MCC: variants seen among roughly 807,000 people sequenced by gnomAD.
The protein encoded by MCC is MCC regulator of Wnt signaling pathway.
A neutral mutation model predicts 116.2 loss-of-function variants in MCC; 90 were observed. The observed-to-expected ratio is 0.77, with a 90% CI of 0.65 to 0.92. The LOEUF (loss-of-function observed/expected upper bound fraction) is 0.92. MCC is among the 40% of genes least tolerant of loss of function. MCC has a pLI of 0.00. For missense variants in MCC, 1,516 were observed against 1,312.2 expected, an observed-to-expected ratio of 1.16 and a Z score of -2.40; for synonymous variants, 578 against 510.5, an observed-to-expected ratio of 1.13 and a Z score of -1.78.
At chr5:113,339,477 G>A (rs928371623) in intron 3 of MCC, among the ~76,000 whole-genome samples, 2 of 149,732 alleles carry the variant, frequency 1.3e-5, no homozygotes, top group Non-Finnish European at 3.0e-5. Flanking sequence ...CTTTTTTTCT[G>A]ATCCAGGATC....
chr5:113,409,840 G>A (rs941552284), intron 1 of MCC, among the ~76,000 whole-genome samples: 3 of 152,134 alleles, frequency 2.0e-5, no homozygotes, highest in Middle Eastern at 3.4e-3. Flanking sequence ...TCGAGACTAC[G>A]GTCTCACATT....
intron 3 of MCC, among the ~76,000 whole-genome samples, chr5:113,284,050 C>T (rs887662048): frequency 1.3e-5 from 2 of 152,154 alleles, no homozygotes; most frequent in African/African-American, 4.8e-5. Context: ...GTATATAATA[C>T]ATGTATCATA....
At chr5:113,351,846 A>T (rs1163575552) in intron 2 of MCC, among the ~76,000 whole-genome samples, 2 of 152,140 alleles carry the variant, frequency 1.3e-5, no homozygotes, top group Non-Finnish European at 1.5e-5. Flanking sequence ...AATATTTTTT[A>T]AAAATACAAC....
intron 16 of MCC, among the ~76,000 whole-genome samples, chr5:113,046,849 G>A (rs1377526979): frequency 6.6e-6 from 1 of 152,070 alleles, no homozygotes; most frequent in Admixed American, 6.5e-5. Context: ...TTGGGCAGAT[G>A]GCTTCATAGT....
intron 3 of MCC, among the ~76,000 whole-genome samples, chr5:113,210,508 T>C (rs1395467910): frequency 6.6e-6 from 1 of 152,154 alleles, no homozygotes; most frequent in Non-Finnish European, 1.5e-5. Flanking sequence ...CCAGACTCAG[T>C]GCAATTGGGA....
chr5:113,122,123 G>A (rs78979761), intron 6 of MCC, among the ~76,000 whole-genome samples: 4,782 of 152,250 alleles, frequency 0.031, 249 homozygotes, highest in African/African-American at 0.1. Flanking sequence ...GTCACACCCT[G>A]CAGTTTAAAA....
intron 15 of MCC, among the ~76,000 whole-genome samples, chr5:113,049,567 G>A (rs560019405): frequency 1.3e-5 from 2 of 152,366 alleles, no homozygotes; most frequent in South Asian, 4.1e-4. Flanking sequence ...AGGCAAGATT[G>A]TGGTTCAATA....
intron 1 of MCC, among the ~76,000 whole-genome samples, chr5:113,420,440 GTTT>G (rs1770297179): frequency 2.0e-5 from 3 of 152,088 alleles, no homozygotes; most frequent in Admixed American, 2.0e-4. Flanking sequence ...ACTTTATAAG[GTTT>G]TTTAGTTTAC....
chr5:113,112,846 C>A (rs893220491), intron 6 of MCC, among the ~76,000 whole-genome samples: 4 of 152,194 alleles, frequency 2.6e-5, no homozygotes, highest in Non-Finnish European at 4.4e-5. Context: ...TTTAAAGTCC[C>A]AAGTTTTTGT....
intron 3 of MCC, among the ~76,000 whole-genome samples, chr5:113,228,368 A>G (rs1310434353): frequency 6.6e-6 from 1 of 152,148 alleles, no homozygotes; most frequent in African/African-American, 2.4e-5. Context: ...GTGCTGGAGG[A>G]TTCAGGCAGT....
chr5:113,361,683 C>T (rs1395398856), intron 2 of MCC, among the ~76,000 whole-genome samples: 1 of 152,174 alleles, frequency 6.6e-6, no homozygotes, highest in East Asian at 1.9e-4. Context: ...ATTTGAATCA[C>T]TGGACTGAGT....
intron 1 of MCC, among the ~76,000 whole-genome samples, chr5:113,420,123 T>C (rs1346555847): frequency 8.1e-6 from 1 of 123,918 alleles, no homozygotes; most frequent in Non-Finnish European, 1.6e-5. Context: ...AATTCATTCA[T>C]TGTGCCAAAG....
At chr5:113,412,949 A>G (rs966267381) in intron 1 of MCC, among the ~76,000 whole-genome samples, 2 of 152,204 alleles carry the variant, frequency 1.3e-5, no homozygotes, top group Non-Finnish European at 2.9e-5. Flanking sequence ...CGTCCCATCA[A>G]TACCTAGCTT....
intron 1 of MCC, among the ~76,000 whole-genome samples, chr5:113,408,594 C>G (rs1013170229): frequency 3.3e-5 from 5 of 152,160 alleles, no homozygotes; most frequent in African/African-American, 1.2e-4. Context: ...GCAGCATCAG[C>G]ATGACCTGGG....
At chr5:113,107,724 T>A (rs1287105663) in intron 6 of MCC, among the ~76,000 whole-genome samples, 2 of 152,182 alleles carry the variant, frequency 1.3e-5, no homozygotes, top group South Asian at 4.1e-4. Flanking sequence ...TCATGAAATA[T>A]TCAGACATTC....
At chr5:113,097,792 G>A (rs1756118928) in intron 8 of MCC, among the ~76,000 whole-genome samples, 1 of 152,172 alleles carries the variant, frequency 6.6e-6, no homozygotes, top group Non-Finnish European at 1.5e-5. Context: ...CAGAGTGCTA[G>A]AAGTATAAAC....
intron 1 of MCC, chr5:113,433,072 C>T (rs1399593473): frequency 1.3e-5 from 2 of 153,192 alleles, no homozygotes; most frequent in African/African-American, 4.8e-5. Context: ...GAAAGAAGCA[C>T]ATATGGGGCA....
Position 113,104,295 on chromosome 5 carries a change from A to G in MCC, c.1088T>C (p.Val363Ala). The G allele has an allele frequency of 6.2e-7, 1 of 1,613,988 alleles. No homozygotes were observed. The highest frequency in any genetic ancestry group is 8.5e-7 in the Non-Finnish European group (1 of 1,180,020). The change falls in exon 7 of 19, where the codon GTC becomes GCC. Residue 363 changes from valine to alanine, a missense_variant. By Grantham distance (64) the Val-to-Ala change is moderately conservative. Coordinates refer to ENST00000408903, the MANE Select transcript of MCC (RefSeq NM_001085377.2). ...QRVLTGLENV[V>A]CGRKKSSCSL... ...GCAGCTGCTCTTCTTCCTGCCGCAG[A>G]CAACATTCTCCAGCCCTGTCAGCAC...
chr5:113,027,354 G>C lies in MCC; in HGVS notation c.3008C>G (p.Ala1003Gly), dbSNP rs1285593374. Residue 1003 changes from alanine to glycine, a missense_variant, in exon 19 of 19, where the codon GCT (alanine) becomes GGT (glycine). Ala to Gly is a moderately conservative substitution (Grantham distance 60, BLOSUM62 0). Coordinates refer to ENST00000408903, the MANE Select transcript of MCC (RefSeq NM_001085377.2). ...CCTGGAGTTCTCCTCCTCTAGCAGA[G>C]CTATTCTTTGCTTGAGCATCCTCAC... ...TQVRMLKQRIALLEEENSRPH... is the reference protein window; with the variant it reads ...TQVRMLKQRIGLLEEENSRPH... 6.2e-7 allele frequency: 1 copy of C among 1,614,166 alleles called. No individual in the cohort carries two copies. Among genetic ancestry groups the C allele is most frequent in the Non-Finnish European group, 8.5e-7 (1 of 1,180,022 alleles).
Sources: gnomAD v4.1 joint callset for allele counts (sites outside exome capture counted in the v4.1 genomes callset) on GRCh38, gnomAD v4.1.1 for gene constraint, MANE v1.5 for transcripts, NCBI Gene and HGNC (gene_info 2026-07-23, HGNC 2026-07-21) for gene names.